Variants in KIAA1586 observed in about 807,000 individuals in gnomAD.
KIAA1586 encodes the protein KIAA1586, also known as E3 SUMO-protein ligase KIAA1586.
A neutral mutation model predicts 6.1 loss-of-function variants in KIAA1586; 5 were observed. The ratio of observed to expected loss-of-function variants is 0.82; its 90% CI spans 0.43 to 1.73. The LOEUF is 1.73. Among genes scored for constraint, KIAA1586 ranks in the 40% most tolerant of loss-of-function variants. The pLI is 0.02. For synonymous variants in KIAA1586, 280 were observed against 301.7 expected (o/e 0.93, Z 0.75); for missense variants, 899 against 878.2 (o/e 1.02, Z -0.30).
At chr6:57,060,500 G>A in the KIAA1586 span, among the ~76,000 whole-genome samples, 10,281 of 152,158 alleles carry the variant, frequency 0.068, 501 homozygotes, top group East Asian at 0.095. Context: ...TGGGTGGTTG[G>A]TTAGCTGGTC....
intron 2 of KIAA1586, among the ~76,000 whole-genome samples, chr6:57,049,452 G>A (rs1471187777): frequency 6.6e-6 from 1 of 152,074 alleles, no homozygotes; most frequent in African/African-American, 2.4e-5. Context: ...TCATATAAAT[G>A]TTGATTATCT....
At chr6:57,061,936 C>CT in the KIAA1586 span, among the ~76,000 whole-genome samples, 1,447 of 136,592 alleles carry the variant, frequency 0.011, 7 homozygotes, top group Admixed American at 0.019. Flanking sequence ...CCTAGGTTTT[C>CT]TTTTTTTTTT....
At chr6:57,050,332 T>TA (rs1161747276) in intron 2 of KIAA1586, among the ~76,000 whole-genome samples, 3 of 151,670 alleles carry the variant, frequency 2.0e-5, no homozygotes, top group African/African-American at 7.3e-5. Context: ...TTTTTTTTTT[T>TA]AGACAGTGTC....
chr6:57,066,624 G>A, the KIAA1586 span, among the ~76,000 whole-genome samples: 4 of 152,274 alleles, frequency 2.6e-5, no homozygotes, highest in East Asian at 5.8e-4. Flanking sequence ...AAAAATAGAC[G>A]TAAAATGAAT....
chr6:57,061,316 A>G, the KIAA1586 span, among the ~76,000 whole-genome samples: 1 of 152,144 alleles, frequency 6.6e-6, no homozygotes, highest in African/African-American at 2.4e-5. Context: ...GGGAGAGTTG[A>G]TTGATATCTC....
downstream of KIAA1586, among the ~76,000 whole-genome samples, chr6:57,058,925 G>A (rs995611157): frequency 6.6e-6 from 1 of 152,116 alleles, no homozygotes; most frequent in Non-Finnish European, 1.5e-5. Flanking sequence ...TTAGGCAAAT[G>A]TTTTCAAACT....
At position 57,053,189 on chromosome 6, in the gene KIAA1586, A is replaced by G. The variant is rs1183322297; in HGVS notation, c.690A>G (p.Ser230=). The change falls in exon 4 of 4, where the codon TCA becomes TCG. Residue 230 remains serine, a synonymous_variant. Coordinates refer to ENST00000370733, the MANE Select transcript of KIAA1586 (RefSeq NM_020931.4). ...TGTTAAAGGAATCAACTAATGATTC[A>G]ATTTGTAATTTAGTGCATAAACAAA... ...QDLLKESTND[S]ICNLVHKQNN... 6.2e-7 allele frequency: 1 copy of G among 1,606,260 alleles called. No individual in the cohort carries two copies. Among genetic ancestry groups the G allele is most frequent in the South Asian group, 1.1e-5 (1 of 89,950 alleles).
the KIAA1586 span, among the ~76,000 whole-genome samples, chr6:57,063,376 A>C: frequency 1.3e-5 from 2 of 152,100 alleles, no homozygotes. Flanking sequence ...AGTATTTTTA[A>C]AATCACATGA....
chr6:57,053,315 A>G lies in KIAA1586; in HGVS notation c.816A>G (p.Leu272=), dbSNP rs1347971181. The change falls in exon 4 of 4, where the codon TTA becomes TTG. Residue 272 remains leucine, a synonymous_variant. Transcript: ENST00000370733. ...CTGATATTGAGGGGGCAAGAGAATT[A>G]CAGGAAAAAAATGGAGAGGTAAATT... ...PLSDIEGARE[L]QEKNGEVNCL... is the part of the protein sequence containing the mutation. 4 of 1,612,756 alleles carry G rather than the reference A, an allele frequency of 2.5e-6. No individual in the cohort carries two copies. Among genetic ancestry groups the G allele is most frequent in the Non-Finnish European group, 3.4e-6 (4 of 1,179,210 alleles).
chr6:57,048,363 T>C (rs1008790858), intron 2 of KIAA1586, among the ~76,000 whole-genome samples: 39 of 152,212 alleles, frequency 2.6e-4, no homozygotes. Context: ...ACTTGTTTTT[T>C]AAATTAAAAT....
At chr6:57,056,091 C>G (rs1025221025), downstream of KIAA1586, among the ~76,000 whole-genome samples, 1 of 152,060 alleles carries the variant, frequency 6.6e-6, no homozygotes, top group South Asian at 2.1e-4. Flanking sequence ...TGGTGTCACC[C>G]AGGCTGGAGT....
At position 57,053,811 on chromosome 6, in the gene KIAA1586, A is replaced by C; in HGVS notation, c.1312A>C (p.Asn438His). The C allele has an allele frequency of 6.7e-7, 1 of 1,503,082 alleles. No homozygotes were observed. The highest frequency in any genetic ancestry group is 1.4e-5 in the African/African-American group (1 of 70,484). The allele number at this position is 1,503,082 out of a possible 1,614,324, so 93.1% of individuals were successfully genotyped here. ...TTCTATATCCGAAATAAAACAAATT[A>C]ATCATTTAAAAATATTTATTGATAA... ...DDSISEIKQI[N>H]HLKIFIDKIY... The change falls in exon 4 of 4, where the codon AAT becomes CAT. Residue 438 changes from asparagine (N) to histidine (H), a missense_variant. Transcript: ENST00000370733.
chr6:57,055,939 A>G (rs985664739), downstream of KIAA1586, among the ~76,000 whole-genome samples: 1 of 152,256 alleles, frequency 6.6e-6, no homozygotes, highest in African/African-American at 2.4e-5. Flanking sequence ...TCATATGCCA[A>G]AAAGAATCAA....
chr6:57,054,433 C>T lies in KIAA1586; in HGVS notation c.1934C>T (p.Thr645Ile). The T allele has an allele frequency of 1.2e-6, 2 of 1,608,968 alleles. No individual in the cohort carries two copies. The highest frequency in any genetic ancestry group is 1.7e-6 in the Non-Finnish European group (2 of 1,177,698). The change falls in exon 4 of 4, where the codon ACT (threonine) becomes ATT (isoleucine). Residue 645 changes from threonine to isoleucine, a missense_variant. Thr to Ile is a moderately conservative substitution (Grantham distance 89, BLOSUM62 -1). Transcript: ENST00000370733. ...TCCACATGGCCTTATGAAGAAATAA[C>T]TTCACCATGGATAGCTGGTGAAAAA... ...EPSTWPYEEI[T>I]SPWIAGEKTL...
the KIAA1586 span, among the ~76,000 whole-genome samples, chr6:57,060,615 C>G: frequency 1.3e-5 from 2 of 152,204 alleles, no homozygotes; most frequent in South Asian, 4.1e-4. Context: ...CCGTCTGTTG[C>G]TGAGGTCAAG....
At chr6:57,047,930 T>G (rs1828224325) in intron 2 of KIAA1586, among the ~76,000 whole-genome samples, 1 of 137,898 alleles carries the variant, frequency 7.3e-6, no homozygotes, top group Non-Finnish European at 1.5e-5. Context: ...TTTGTTCCCT[T>G]TGAGACAGTA....
At chr6:57,063,302 TTGAG>T in the KIAA1586 span, among the ~76,000 whole-genome samples, 2 of 152,142 alleles carry the variant, frequency 1.3e-5, no homozygotes, top group African/African-American at 4.8e-5. Flanking sequence ...AAGCTGGTTG[TTGAG>T]TATTTGTGTG....
chr6:57,054,371 T>G lies in KIAA1586; in HGVS notation c.1872T>G (p.His624Gln), dbSNP rs752061887. Reference protein sequence around the residue: ...MNLRLLSDRNHEDIFNYFDLL... With the variant: ...MNLRLLSDRNQEDIFNYFDLL... ...TACGCCTTTTATCTGACAGAAACCA[T>G]GAAGATATTTTTAATTACTTTGATT... The change falls in exon 4 of 4, where the codon CAT becomes CAG. Residue 624 changes from histidine (H) to glutamine (Q), a missense_variant. His to Gln is a conservative substitution (Grantham distance 24, BLOSUM62 0). Coordinates refer to ENST00000370733, the MANE Select transcript of KIAA1586 (RefSeq NM_020931.4). The G allele has an allele frequency of 3.7e-6, 6 of 1,608,266 alleles. No homozygotes were observed. In the African/African-American group the frequency reaches 8.1e-5, roughly 22 times the overall value.
chr6:57,054,335 G>A lies in KIAA1586; in HGVS notation c.1836G>A (p.Gln612=), dbSNP rs1184877934. The A allele has an allele frequency of 1.9e-6, 3 of 1,594,016 alleles. No homozygotes were observed. Among genetic ancestry groups the A allele is most frequent in the Non-Finnish European group, 1.7e-6 (2 of 1,173,818 alleles). The change falls in exon 4 of 4, where the codon CAG becomes CAA. Residue 612 remains glutamine, a synonymous_variant. Transcript: ENST00000370733. ...PRSILLDNII[Q]HMNLRLLSDR... ...GTATATTACTAGACAATATAATTCA[G>A]CACATGAACCTACGCCTTTTATCTG... is the stretch of plus-strand genomic sequence containing the variant.
Sources: allele counts gnomAD v4.1 joint callset (sites outside exome capture counted in the v4.1 genomes callset), GRCh38; gene constraint gnomAD v4.1.1; transcripts MANE v1.5; gene names NCBI Gene and HGNC (gene_info 2026-07-23, HGNC 2026-07-21).